RYR2: variants seen among roughly 807,000 people sequenced by gnomAD.
RYR2 encodes ryanodine receptor 2, also known as cardiac muscle ryanodine receptor-calcium release channel.
Under a neutral mutation model 601.1 loss-of-function variants are expected in RYR2, and 227 were observed. That is an observed-to-expected ratio of 0.38 (90% confidence interval 0.34 to 0.42). The LOEUF (loss-of-function observed/expected upper bound fraction) is 0.42. Among genes scored for constraint, RYR2 ranks in the 10% least tolerant of loss-of-function variants. The probability of loss-of-function intolerance (pLI) is 1.00; values close to 1 mark genes in which losing one functional copy is unlikely to be tolerated. For missense variants in RYR2, 4,646 were observed against 6,156.5 expected (o/e 0.75, Z 8.21); for synonymous variants, 2,223 against 2,175.1 (o/e 1.02, Z -0.61).
chr1:237,673,965 G>C, intron 58 of RYR2, 131 bp from the exon 59 acceptor site: 1 of 595,868 alleles, frequency 1.7e-6, no homozygotes, highest in South Asian at 3.0e-5. Flanking sequence ...AGAGGCAGAA[G>C]AGTCTTATAT....
intron 16 of RYR2, among the ~76,000 whole-genome samples, chr1:237,458,740 T>TA (rs56396692): frequency 0.038 from 5,665 of 149,150 alleles, 251 homozygotes; most frequent in African/African-American, 0.11. Flanking sequence ...CAAAAAAAGT[T>TA]AAAAAAAAAA....
rs1005577639 is a variant in RYR2 at position 237,101,308 on chromosome 1, A to AC, written c.48+58739_48+58740insC. Among the ~76,000 whole-genome samples, 213 of 131,428 alleles carry AC rather than the reference A, an allele frequency of 1.6e-3. 1 individual carries two copies. The highest frequency in any genetic ancestry group is 5.3e-3 in the African/African-American group (200 of 37,676). 86.2% of individuals were successfully genotyped at this position (131,428 alleles called of 152,430 possible). On this transcript the variant is annotated intron_variant, in intron 1 of 104. Coordinates refer to ENST00000366574, the MANE Select transcript of RYR2 (RefSeq NM_001035.3). ...ACTACTTTTTAGAAGTTAAAAAAAA[A>AC]AAAAAAAAAAAAAAAACCTCACAAA...
At chr1:237,155,256 A>G (rs1017874895) in intron 1 of RYR2, among the ~76,000 whole-genome samples, 5 of 148,108 alleles carry the variant, frequency 3.4e-5, no homozygotes, top group African/African-American at 5.0e-5. Context: ...GCGCACTGCA[A>G]TCTCCACCTC....
At chr1:237,151,479 T>C (rs572399455) in intron 1 of RYR2, among the ~76,000 whole-genome samples, 1 of 152,334 alleles carries the variant, frequency 6.6e-6, no homozygotes, top group East Asian at 1.9e-4. Flanking sequence ...TGTTTCTTGC[T>C]GTAAAGAAAA....
chr1:237,716,009 T>G (rs1047478580), intron 71 of RYR2, among the ~76,000 whole-genome samples: 1 of 152,174 alleles, frequency 6.6e-6, no homozygotes, highest in Non-Finnish European at 1.5e-5. Flanking sequence ...TTGGTATGTA[T>G]AAAAATGGGA....
intron 10 of RYR2, among the ~76,000 whole-genome samples, chr1:237,394,390 A>C (rs1023541223): frequency 1.3e-5 from 2 of 152,190 alleles, no homozygotes; most frequent in African/African-American, 2.4e-5. Context: ...CTTGTGCAGC[A>C]ACTTGAATAG....
Position 237,303,552 on chromosome 1 carries a change from G to A in RYR2, c.169-27326G>A, listed in dbSNP as rs562089057. ...TTACCTTAGGTGATCTGCCTGCCTT[G>A]GCCTCCCAAAGTGCTGGGATTACAG... is the stretch of plus-strand genomic sequence containing the variant. On this transcript the variant is annotated intron_variant, in intron 2 of 104. Transcript: ENST00000366574. Among the ~76,000 whole-genome samples the A allele has an allele frequency of 2.6e-4, 40 of 152,050 alleles. No homozygotes were observed. The South Asian group carries it at 7.7e-3, about 29-fold the overall frequency.
intron 75 of RYR2, 138 bp downstream of exon 75, chr1:237,726,446 C>A: frequency 1.6e-6 from 1 of 642,376 alleles, no homozygotes; most frequent in South Asian, 1.9e-5. Flanking sequence ...AACTTGCTTG[C>A]ATCATTTATT....
chr1:237,482,749 A>T (rs146813363), intron 17 of RYR2, among the ~76,000 whole-genome samples: 262 of 152,096 alleles, frequency 1.7e-3, no homozygotes, highest in Non-Finnish European at 3.1e-3. Flanking sequence ...ATAGTAGCTC[A>T]ATTTTTAGTT....
intron 64 of RYR2, among the ~76,000 whole-genome samples, chr1:237,699,755 T>C (rs1371873323): frequency 6.6e-6 from 1 of 152,250 alleles, no homozygotes; most frequent in Non-Finnish European, 1.5e-5. Flanking sequence ...CATTAAGGTA[T>C]GAAGTTCAGC....
At chr1:237,828,574 C>A in intron 102 of RYR2, 129 bp downstream of exon 102, 2 of 605,142 alleles carry the variant, frequency 3.3e-6, no homozygotes, top group Non-Finnish European at 5.8e-6. Flanking sequence ...GTTTCACTGG[C>A]GTGTTTTCCA....
intron 80 of RYR2, among the ~76,000 whole-genome samples, chr1:237,749,965 G>A (rs888006689): frequency 2.5e-4 from 38 of 152,114 alleles, no homozygotes; most frequent in Admixed American, 1.9e-3. Context: ...AGGCAACATG[G>A]TGAAATCCCA....
chr1:237,112,571 C>CAAAAAAAA (rs11419585), intron 1 of RYR2, among the ~76,000 whole-genome samples: 8 of 137,220 alleles, frequency 5.8e-5, no homozygotes, highest in African/African-American at 1.9e-4. Context: ...GCTACAACAT[C>CAAAAAAAA]AAAAAAAAAA....
intron 5 of RYR2, among the ~76,000 whole-genome samples, chr1:237,367,037 T>C (rs1473541561): frequency 6.6e-6 from 1 of 152,198 alleles, no homozygotes; most frequent in Non-Finnish European, 1.5e-5. Flanking sequence ...AGTAGATTTT[T>C]CCCTTTTCTT....
At chr1:237,330,310 G>C (rs1460994934) in intron 2 of RYR2, among the ~76,000 whole-genome samples, 21 of 152,236 alleles carry the variant, frequency 1.4e-4, no homozygotes, top group African/African-American at 4.8e-4. Context: ...ATGCGTATCA[G>C]AGTAAGCTGT....
chr1:237,528,589 T>C (rs1667818252), intron 24 of RYR2, among the ~76,000 whole-genome samples: 1 of 152,170 alleles, frequency 6.6e-6, no homozygotes, highest in Non-Finnish European at 1.5e-5. Flanking sequence ...GTAGTTTGCA[T>C]TGGGAAGAAG....
At chr1:237,093,899 C>T (rs1361586665) in intron 1 of RYR2, among the ~76,000 whole-genome samples, 3 of 152,314 alleles carry the variant, frequency 2.0e-5, no homozygotes, top group Non-Finnish European at 4.4e-5. Context: ...CGTGGCAAAC[C>T]AGAGTGGTGC....
At chr1:237,470,764 C>G (rs770284038) in intron 17 of RYR2, among the ~76,000 whole-genome samples, 41 of 151,850 alleles carry the variant, frequency 2.7e-4, no homozygotes, top group Non-Finnish European at 5.0e-4. Flanking sequence ...AGGACATGGA[C>G]ACACACACAA....
chr1:237,621,771 G>A lies in RYR2; in HGVS notation c.5917-1994G>A, dbSNP rs527866386. 4.6e-5 allele frequency among the ~76,000 whole-genome samples: 7 copies of A among 152,052 alleles called. No homozygotes were observed. The South Asian group carries it at 1.0e-3, about 22-fold the overall frequency. On this transcript the variant is annotated intron_variant, in intron 38 of 104. Coordinates refer to ENST00000366574, the MANE Select transcript of RYR2 (RefSeq NM_001035.3). The stretch of plus-strand genomic sequence containing the variant: ...CCAATTAAATATGTTTTAAAGGATC[G>A]TATGGGAATACATGCATACATACTA...
Sources: gnomAD v4.1 joint callset for allele counts (sites outside exome capture counted in the v4.1 genomes callset) on GRCh38, gnomAD v4.1.1 for gene constraint, MANE v1.5 for transcripts, NCBI Gene and HGNC (gene_info 2026-07-23, HGNC 2026-07-21) for gene names.